Variants in PIP5K1B observed in about 807,000 individuals in gnomAD.
PIP5K1B encodes phosphatidylinositol-4-phosphate 5-kinase type 1 beta.
PIP5K1B carries 42 observed loss-of-function variants against 67.0 expected under a neutral mutation model. The observed-to-expected ratio is 0.63, with a 90% CI of 0.49 to 0.81. PIP5K1B has a LOEUF of 0.81. Among genes scored for constraint, PIP5K1B ranks in the 30% least tolerant of loss-of-function variants. PIP5K1B has a pLI of 0.00. For missense variants in PIP5K1B, 459 were observed against 646.3 expected (o/e 0.71, Z 3.14); for synonymous variants, 214 against 231.4 (o/e 0.92, Z 0.68).
chr9:68,791,268 T>C (rs553789198), intron 2 of PIP5K1B, among the ~76,000 whole-genome samples: 14 of 152,348 alleles, frequency 9.2e-5, no homozygotes, highest in Admixed American at 8.5e-4. Flanking sequence ...AATGTCGAGA[T>C]GCCAAGAGGA....
intron 2 of PIP5K1B, among the ~76,000 whole-genome samples, chr9:68,771,744 T>C (rs1830679955): frequency 6.6e-6 from 1 of 152,228 alleles, no homozygotes; most frequent in African/African-American, 2.4e-5. Flanking sequence ...TGAAGGTTAC[T>C]ATCTTAGACT....
At chr9:68,779,686 T>C (rs1182661519) in intron 2 of PIP5K1B, among the ~76,000 whole-genome samples, 1 of 152,224 alleles carries the variant, frequency 6.6e-6, no homozygotes, top group Non-Finnish European at 1.5e-5. Flanking sequence ...TCCCGCTTCC[T>C]GCAAAGTTCT....
intron 1 of PIP5K1B, among the ~76,000 whole-genome samples, chr9:68,736,761 T>C (rs1828758790): frequency 6.6e-6 from 1 of 152,246 alleles, no homozygotes; most frequent in African/African-American, 2.4e-5. Context: ...TACACACTTT[T>C]GTTATTACTT....
intron 1 of PIP5K1B, among the ~76,000 whole-genome samples, chr9:68,707,036 C>G (rs560707905): frequency 2.0e-5 from 3 of 152,042 alleles, no homozygotes; most frequent in Non-Finnish European, 4.4e-5. Context: ...TGAAAGGAGA[C>G]GCTGGGAAAA....
intron 8 of PIP5K1B, among the ~76,000 whole-genome samples, chr9:68,899,104 C>T (rs1170629204): frequency 1.3e-5 from 2 of 152,170 alleles, no homozygotes; most frequent in African/African-American, 2.4e-5. Flanking sequence ...ATACAGATCC[C>T]CACTCTCCAG....
chr9:68,749,132 A>G (rs1455648435), intron 2 of PIP5K1B, among the ~76,000 whole-genome samples: 1 of 152,182 alleles, frequency 6.6e-6, no homozygotes, highest in Non-Finnish European at 1.5e-5. Flanking sequence ...TAGAACTTGT[A>G]AATATTACCT....
chr9:68,991,237 T>G lies in PIP5K1B; in HGVS notation c.1600T>G (p.Ser534Ala). The change falls in exon 15 of 16, where the codon TCT becomes GCT. Residue 534 changes from serine to alanine, a missense_variant. Ser to Ala is a moderately conservative substitution (Grantham distance 99, BLOSUM62 1). Transcript: ENST00000265382. Reference protein sequence around the residue: ...NTLEVQDDNASVLDVYL With the variant: ...NTLEVQDDNAAVLDVYL Reference sequence around the variant, plus strand: ...TCTGGAAGTGCAGGATGACAATGCTTCTGTGCTTGACGTCTATTTAGTAAG... The same window carrying G: ...TCTGGAAGTGCAGGATGACAATGCTGCTGTGCTTGACGTCTATTTAGTAAG... 6.2e-7 allele frequency: 1 copy of G among 1,600,884 alleles called. No homozygotes were observed.
At chr9:68,994,289 G>A (rs1045345745) in intron 15 of PIP5K1B, among the ~76,000 whole-genome samples, 8 of 151,960 alleles carry the variant, frequency 5.3e-5, no homozygotes, top group Non-Finnish European at 7.4e-5. Context: ...TGATCCGCCC[G>A]CCTCGGCCTC....
At chr9:68,946,714 TCTG>T (rs1043803029) in intron 14 of PIP5K1B, among the ~76,000 whole-genome samples, 3 of 152,146 alleles carry the variant, frequency 2.0e-5, no homozygotes, top group Non-Finnish European at 4.4e-5. Flanking sequence ...TGTTTCTTAA[TCTG>T]CTGACTCCTG....
intron 2 of PIP5K1B, chr9:68,781,345 G>T: frequency 8.3e-6 from 2 of 239,778 alleles, no homozygotes; most frequent in Non-Finnish European, 1.8e-5. Context: ...TTTATTTATG[G>T]GATTATTAAG....
intron 2 of PIP5K1B, chr9:68,780,010 A>G (rs1022619762): frequency 9.9e-7 from 1 of 1,010,308 alleles, no homozygotes; most frequent in Non-Finnish European, 1.3e-6. Flanking sequence ...GAGTACGGAC[A>G]TCGCGAGCGC....
chr9:68,805,705 G>A (rs1015605239), intron 2 of PIP5K1B, among the ~76,000 whole-genome samples: 2 of 152,104 alleles, frequency 1.3e-5, no homozygotes, highest in African/African-American at 4.8e-5. Flanking sequence ...CTCTCCAGAG[G>A]GGGTAGTGAC....
intron 2 of PIP5K1B, among the ~76,000 whole-genome samples, chr9:68,807,303 C>T (rs1338267421): frequency 3.9e-5 from 6 of 152,210 alleles, no homozygotes; most frequent in Non-Finnish European, 7.3e-5. Context: ...TTTGAAACCA[C>T]TTTCATTGCT....
At chr9:68,860,455 C>T (rs987313713) in intron 4 of PIP5K1B, among the ~76,000 whole-genome samples, 3 of 152,174 alleles carry the variant, frequency 2.0e-5, no homozygotes, top group African/African-American at 7.2e-5. Flanking sequence ...AAGAAGTTTA[C>T]AAGTTTTTCC....
rs560988694 is a variant in PIP5K1B, at chr9:68,767,001, A to G, written c.-86+24344A>G. Among the ~76,000 whole-genome samples, 175 of 152,334 alleles carry G rather than the reference A, an allele frequency of 1.1e-3. 1 individual carries two copies. Among genetic ancestry groups the G allele is most frequent in the African/African-American group, 3.9e-3 (164 of 41,570 alleles). On this transcript the variant is annotated intron_variant, in intron 2 of 15. Transcript: ENST00000265382. ...CCAGATAGCCCAAGTAAATTCTTCA[A>G]ATAGTCAGGGATATTGATATTAAGT...
intron 14 of PIP5K1B, among the ~76,000 whole-genome samples, chr9:68,963,861 C>T (rs1385065324): frequency 6.6e-6 from 1 of 152,204 alleles, no homozygotes; most frequent in Non-Finnish European, 1.5e-5. Context: ...TTTCTTCCTG[C>T]TCTGACAGTA....
chr9:68,844,184 G>A (rs1822063857), intron 4 of PIP5K1B, among the ~76,000 whole-genome samples: 1 of 152,204 alleles, frequency 6.6e-6, no homozygotes, highest in Non-Finnish European at 1.5e-5. Flanking sequence ...GCATTGAGAT[G>A]ATCTTCATTC....
intron 15 of PIP5K1B, among the ~76,000 whole-genome samples, chr9:68,995,177 AAAGG>A (rs952541962): frequency 1.3e-5 from 2 of 149,096 alleles, no homozygotes; most frequent in Non-Finnish European, 3.0e-5. Context: ...GAAAAGAAGG[AAAGG>A]AAGGAAGGAA....
chr9:68,992,839 C>CAAAAAAAAAA (rs201517701), intron 15 of PIP5K1B, among the ~76,000 whole-genome samples: 3 of 57,576 alleles, frequency 5.2e-5, no homozygotes, highest in Non-Finnish European at 8.7e-5. Context: ...GACCCTGTCT[C>CAAAAAAAAAA]AAAAAAAAAA....
Sources: gnomAD v4.1 joint callset for allele counts (sites outside exome capture counted in the v4.1 genomes callset) on GRCh38, gnomAD v4.1.1 for gene constraint, MANE v1.5 for transcripts, NCBI Gene and HGNC (gene_info 2026-07-23, HGNC 2026-07-21) for gene names.